MRPL47: variants seen among roughly 807,000 people sequenced by gnomAD.
MRPL47 encodes mitochondrial ribosomal protein L47.
In MRPL47, 31 loss-of-function variants were observed where a neutral mutation model predicts 34.0. The ratio of observed to expected loss-of-function variants is 0.91; its 90% CI spans 0.68 to 1.23. The LOEUF (loss-of-function observed/expected upper bound fraction) is 1.23, where lower values mean the gene tolerates loss of function less well. Ranked by LOEUF, MRPL47 falls within the 50% of genes most tolerant of loss-of-function variation. The pLI, the probability that MRPL47 is intolerant of heterozygous loss-of-function variation, is 0.00. For synonymous variants in MRPL47, 106 were observed against 101.6 expected (o/e 1.04, Z -0.26); for missense variants, 328 against 285.8 (o/e 1.15, Z -1.07).
chr3:179,601,281 A>G (rs1366737085), intron 3 of MRPL47, among the ~76,000 whole-genome samples: 3 of 152,012 alleles, frequency 2.0e-5, no homozygotes, highest in African/African-American at 4.8e-5. Flanking sequence ...GGTGGTGCAT[A>G]CCTGTGGTCC....
At chr3:179,598,616 T>C (rs1410912033) in intron 4 of MRPL47, 59 bp downstream of exon 4, 7 of 1,047,012 alleles carry the variant, frequency 6.7e-6, no homozygotes, top group African/African-American at 1.6e-5. Context: ...AGGAACCACA[T>C]ACTCACTCCT....
At chr3:179,602,865 A>G in intron 1 of MRPL47, 68 bp from the exon 2 acceptor site, 1 of 1,192,854 alleles carries the variant, frequency 8.4e-7, no homozygotes, top group Non-Finnish European at 1.2e-6. Context: ...AATAAACATT[A>G]TCATAATAAA....
intron 6 of MRPL47, among the ~76,000 whole-genome samples, chr3:179,589,348 T>C (rs1718612148): frequency 6.6e-6 from 1 of 152,180 alleles, no homozygotes; most frequent in African/African-American, 2.4e-5. Context: ...TGAGTACTAT[T>C]TGAAAGTAGG....
chr3:179,602,605 G>T (rs759433053), intron 2 of MRPL47, 47 bp downstream of exon 2: 2 of 861,526 alleles, frequency 2.3e-6, no homozygotes, highest in South Asian at 3.0e-5. Flanking sequence ...GGGCGGGGGG[G>T]GGGGTTCCAT....
At chr3:179,604,490 TGGAGAG>T in intron 1 of MRPL47, 31 bp downstream of exon 1, 1 of 1,573,282 alleles carries the variant, frequency 6.4e-7, no homozygotes, top group Non-Finnish European at 8.7e-7. Flanking sequence ...GATCCAAAGT[TGGAGAG>T]GTGGGCAAAC....
intron 5 of MRPL47, among the ~76,000 whole-genome samples, 168 bp downstream of exon 5, chr3:179,593,597 T>C (rs925721987): frequency 3.3e-5 from 5 of 152,220 alleles, no homozygotes; most frequent in African/African-American, 1.2e-4. Flanking sequence ...CCTTCATTCA[T>C]ATCCTCCTTC....
chr3:179,590,350 G>A (rs74439398), intron 6 of MRPL47, among the ~76,000 whole-genome samples: 13,271 of 149,828 alleles, frequency 0.089, 632 homozygotes, highest in South Asian at 0.17. Context: ...AAAAAAAAAA[G>A]AAAAAAAGTG....
At chr3:179,602,594 G>C in intron 2 of MRPL47, 58 bp downstream of exon 2, 1 of 743,498 alleles carries the variant, frequency 1.3e-6, no homozygotes, top group South Asian at 1.8e-5. Context: ...ATGGTTGGGC[G>C]GGGCGGGGGG....
intron 4 of MRPL47, among the ~76,000 whole-genome samples, chr3:179,596,079 C>T (rs932811720): frequency 6.6e-6 from 1 of 152,170 alleles, no homozygotes; most frequent in Non-Finnish European, 1.5e-5. Flanking sequence ...TGAAGAGAAG[C>T]ACATATAGTG....
intron 2 of MRPL47, 130 bp from the exon 3 acceptor site, chr3:179,601,920 T>C (rs1290155702): frequency 8.8e-6 from 5 of 570,744 alleles, no homozygotes; most frequent in Admixed American, 6.9e-5. Context: ...TTTTATAGTA[T>C]ATAACAATGT....
chr3:179,603,639 C>T (rs1459990548), intron 1 of MRPL47, among the ~76,000 whole-genome samples: 1 of 152,078 alleles, frequency 6.6e-6, no homozygotes, highest in African/African-American at 2.4e-5. Flanking sequence ...GAAGTTTCAA[C>T]TGAAAAAATT....
intron 3 of MRPL47, among the ~76,000 whole-genome samples, chr3:179,601,355 C>T (rs776997421): frequency 2.4e-4 from 36 of 152,230 alleles, no homozygotes; most frequent in Middle Eastern, 3.4e-3. Context: ...TGCAGTAAGC[C>T]GTTACTGTAC....
At chr3:179,592,190 AT>A (rs1160368793) in intron 6 of MRPL47, among the ~76,000 whole-genome samples, 2 of 143,900 alleles carry the variant, frequency 1.4e-5, no homozygotes, top group African/African-American at 5.2e-5. Context: ...TTTTTTACCT[AT>A]TTTGTTTGTT....
intron 3 of MRPL47, among the ~76,000 whole-genome samples, chr3:179,599,805 C>G (rs533898627): frequency 1.3e-5 from 2 of 152,290 alleles, no homozygotes; most frequent in East Asian, 3.9e-4. Context: ...AAAGTGAAGG[C>G]AGATTTTCTG....
chr3:179,594,599 C>G (rs1718752711), intron 4 of MRPL47, among the ~76,000 whole-genome samples: 1 of 152,120 alleles, frequency 6.6e-6, no homozygotes, highest in Non-Finnish European at 1.5e-5. Flanking sequence ...TCTCCTGCCT[C>G]AGCCTCCTGA....
intron 6 of MRPL47, among the ~76,000 whole-genome samples, chr3:179,589,315 A>G (rs1718609419): frequency 6.6e-6 from 1 of 152,200 alleles, no homozygotes; most frequent in Admixed American, 6.5e-5. Flanking sequence ...TATTCTGTGT[A>G]TAGGGGAAAT....
chr3:179,604,213 A>G (rs752064429), intron 1 of MRPL47, among the ~76,000 whole-genome samples: 2 of 152,198 alleles, frequency 1.3e-5, no homozygotes, highest in Non-Finnish European at 2.9e-5. Context: ...TCTTCGGTAA[A>G]GTTTTTCGCA....
chr3:179,602,827 A>G, intron 1 of MRPL47, 30 bp from the exon 2 acceptor site: 1 of 1,536,878 alleles, frequency 6.5e-7, no homozygotes, highest in Non-Finnish European at 8.8e-7. Flanking sequence ...AACAAGTAAA[A>G]GTTTTATAAT....
At chr3:179,593,686 T>C (rs1384066519) in intron 5 of MRPL47, 79 bp downstream of exon 5, 1 of 1,382,956 alleles carries the variant, frequency 7.2e-7, no homozygotes, top group African/African-American at 1.5e-5. Context: ...ACAAATTTTT[T>C]TTTAAAAGAT....
Sources: gnomAD v4.1 joint callset for allele counts (sites outside exome capture counted in the v4.1 genomes callset) on GRCh38, gnomAD v4.1.1 for gene constraint, MANE v1.5 for transcripts, NCBI Gene and HGNC (gene_info 2026-07-23, HGNC 2026-07-21) for gene names.